The following DISC1 variants were observed in gnomAD, a reference collection of about 807,000 sequenced individuals.
DISC1 encodes DISC1 scaffold protein, also known as disrupted in schizophrenia 1 protein.
Under a neutral mutation model 84.5 loss-of-function variants are expected in DISC1, and 57 were observed. The ratio of observed to expected loss-of-function variants is 0.67; its 90% CI spans 0.55 to 0.84. The LOEUF (loss-of-function observed/expected upper bound fraction) is 0.84, where lower values mean the gene tolerates loss of function less well. Among genes scored for constraint, DISC1 ranks in the 40% least tolerant of loss-of-function variants. DISC1 has a pLI of 0.00. For missense variants in DISC1, 1,000 were observed against 1,057.8 expected, an observed-to-expected ratio of 0.95 and a Z score of 0.76; for synonymous variants, 411 against 415.2, an observed-to-expected ratio of 0.99 and a Z score of 0.12.
chr1:231,760,330 A>G (rs1573580565), intron 4 of DISC1, among the ~76,000 whole-genome samples: 1 of 152,322 alleles, frequency 6.6e-6, no homozygotes, highest in South Asian at 2.1e-4. Flanking sequence ...CATTGGTTCT[A>G]TGACTGGCCC....
At chr1:231,878,687 A>C (rs1456676732) in intron 9 of DISC1, among the ~76,000 whole-genome samples, 1 of 152,118 alleles carries the variant, frequency 6.6e-6, no homozygotes, top group Non-Finnish European at 1.5e-5. Context: ...CATAGGGGTG[A>C]GCTGGGTGAA....
At chr1:231,889,797 A>G (rs2087066260) in intron 9 of DISC1, among the ~76,000 whole-genome samples, 1 of 151,842 alleles carries the variant, frequency 6.6e-6, no homozygotes, top group African/African-American at 2.4e-5. Flanking sequence ...CTCTCTCTGT[A>G]AAACATGTAG....
At chr1:231,738,036 G>C (rs953350108) in intron 3 of DISC1, among the ~76,000 whole-genome samples, 3 of 152,030 alleles carry the variant, frequency 2.0e-5, no homozygotes, top group Admixed American at 6.6e-5. Flanking sequence ...TTTTTGTAGA[G>C]ATGGGGTTTT....
chr1:231,757,452 A>G (rs1352732727), intron 4 of DISC1, among the ~76,000 whole-genome samples: 1 of 152,138 alleles, frequency 6.6e-6, no homozygotes, highest in East Asian at 1.9e-4. Context: ...AAAAATCACA[A>G]TTTAATTCAG....
At chr1:231,823,139 A>T (rs532933892) in intron 9 of DISC1, among the ~76,000 whole-genome samples, 1 of 152,350 alleles carries the variant, frequency 6.6e-6, no homozygotes, top group African/African-American at 2.4e-5. Flanking sequence ...CACACCTATT[A>T]AGAAAAGTCT....
chr1:231,791,436 A>G (rs1481903692), intron 6 of DISC1, among the ~76,000 whole-genome samples: 1 of 152,214 alleles, frequency 6.6e-6, no homozygotes, highest in East Asian at 1.9e-4. Flanking sequence ...TTGTCTTACA[A>G]TGTAGATAAT....
At chr1:231,657,306 C>T (rs2061184108) in intron 1 of DISC1, among the ~76,000 whole-genome samples, 1 of 152,212 alleles carries the variant, frequency 6.6e-6, no homozygotes, top group Non-Finnish European at 1.5e-5. Context: ...TGTTTTTTGA[C>T]ATCTTAGTAA....
At position 231,698,232 on chromosome 1, in the gene DISC1, A is replaced by G. The variant is rs970520788; in HGVS notation, c.1047+3427A>G. Among the ~76,000 whole-genome samples the G allele has an allele frequency of 6.6e-6, 1 of 152,248 alleles. No homozygotes were observed. Among genetic ancestry groups the G allele is most frequent in the East Asian group, 1.9e-4 (1 of 5,198 alleles). ...GTATTTCTCTTAGGAGCAATGCTTC[A>G]TTATTCCCTAATTCAGTATTCACAG... On this transcript the variant is annotated intron_variant, in intron 2 of 12. Transcript: ENST00000439617. The surrounding 1 kb of genome is among the most constrained non-coding windows in gnomAD (Gnocchi z 4.9).
chr1:231,777,232 C>CT (rs1014133811), intron 6 of DISC1, among the ~76,000 whole-genome samples: 1 of 151,946 alleles, frequency 6.6e-6, no homozygotes, highest in Non-Finnish European at 1.5e-5. Context: ...ACTTTTCTCT[C>CT]TTTTTTAGAG....
rs538158442 is a variant in DISC1, at chr1:231,999,200, G to C, written c.2043-9585G>C. Among the ~76,000 whole-genome samples, 3 of 152,168 alleles carry C rather than the reference G, an allele frequency of 2.0e-5. 1 individual carries two copies. Among genetic ancestry groups the C allele is most frequent in the Admixed American group, 2.0e-4 (3 of 15,278 alleles). ...AAAAAGGCATGGACCATTTCTCTCTGCTTCTTCCCACTAAATGCAATTCTA... is the reference window on the plus strand; with the variant it reads ...AAAAAGGCATGGACCATTTCTCTCTCCTTCTTCCCACTAAATGCAATTCTA... On this transcript the variant is annotated intron_variant, in intron 10 of 12. Transcript: ENST00000439617.
intron 10 of DISC1, among the ~76,000 whole-genome samples, chr1:231,971,613 G>A (rs982518745): frequency 2.6e-5 from 4 of 152,170 alleles, no homozygotes; most frequent in Non-Finnish European, 4.4e-5. Flanking sequence ...ACAAGGGAGC[G>A]AGCTGCAGAC....
Position 231,897,153 on chromosome 1 carries a change from CT to C in DISC1, c.1982-61673del, listed in dbSNP as rs1276980044. Among the ~76,000 whole-genome samples the C allele has an allele frequency of 6.6e-6, 1 of 152,164 alleles. No homozygotes were observed. The highest frequency in any genetic ancestry group is 1.5e-5 in the Non-Finnish European group (1 of 68,022). On this transcript the variant is annotated intron_variant, in intron 9 of 12. Transcript: ENST00000439617. The surrounding 1 kb of genome is among the most constrained non-coding windows in gnomAD (Gnocchi z 4.5). ...AAAGGAAGTGACATTGGAGGTACAT[CT>C]TGAAGGATGAGTGGGATTTCAACAG...
chr1:231,823,720 G>A (rs1211181599), intron 9 of DISC1, among the ~76,000 whole-genome samples: 1 of 152,128 alleles, frequency 6.6e-6, no homozygotes, highest in Admixed American at 6.6e-5. Context: ...ATCGGGGTTT[G>A]GTGTCCAGAA....
chr1:231,655,511 AGGTT>A (rs915580041), intron 1 of DISC1, among the ~76,000 whole-genome samples: 30 of 152,222 alleles, frequency 2.0e-4, no homozygotes, highest in South Asian at 1.5e-3. Context: ...ATGGGCACTT[AGGTT>A]GGTTCCATAG....
At chr1:231,863,337 T>A (rs2084817637) in intron 9 of DISC1, among the ~76,000 whole-genome samples, 1 of 145,530 alleles carries the variant, frequency 6.9e-6, no homozygotes, top group Non-Finnish European at 1.5e-5. Flanking sequence ...TTTAAGCAAT[T>A]TTCCCACCTC....
chr1:231,681,528 TG>T (rs1313713361), intron 1 of DISC1, among the ~76,000 whole-genome samples: 1 of 152,110 alleles, frequency 6.6e-6, no homozygotes, highest in Non-Finnish European at 1.5e-5. Flanking sequence ...TCCACCTCCC[TG>T]GTGGTCAGGT....
At chr1:231,664,006 C>T (rs750092659) in intron 1 of DISC1, among the ~76,000 whole-genome samples, 7 of 151,770 alleles carry the variant, frequency 4.6e-5, no homozygotes, top group Admixed American at 1.3e-4. Context: ...GTTTCATGTG[C>T]TAATGCCATA....
At chr1:231,678,023 C>G (rs1359613185) in intron 1 of DISC1, among the ~76,000 whole-genome samples, 2 of 152,038 alleles carry the variant, frequency 1.3e-5, no homozygotes, top group Non-Finnish European at 2.9e-5. Context: ...CTGTAAGACC[C>G]TCTCTGTGAA....
chr1:231,838,136 G>T (rs1275945561), intron 9 of DISC1, among the ~76,000 whole-genome samples: 1 of 152,134 alleles, frequency 6.6e-6, no homozygotes, highest in African/African-American at 2.4e-5. Context: ...AGAACATGTG[G>T]CCCGTGAAGC....
Sources: gnomAD v4.1 joint callset for allele counts (sites outside exome capture counted in the v4.1 genomes callset) on GRCh38, gnomAD v4.1.1 for gene constraint, Gnocchi (gnomAD v3.1) non-coding constraint, MANE v1.5 for transcripts, NCBI Gene and HGNC (gene_info 2026-07-23, HGNC 2026-07-21) for gene names.